PLA2G2C: variants seen among roughly 807,000 people sequenced by gnomAD.
PLA2G2C encodes phospholipase A2 group IIC, also known as putative inactive group IIC secretory phospholipase A2.
A neutral mutation model predicts 14.3 loss-of-function variants in PLA2G2C; 15 were observed. The observed-to-expected ratio is 1.05, with a 90% CI of 0.70 to 1.62. PLA2G2C has a LOEUF of 1.62. Ranked by LOEUF, PLA2G2C falls within the 40% of genes most tolerant of loss-of-function variation. The pLI, the probability that PLA2G2C is intolerant of heterozygous loss-of-function variation, is 0.00. For missense variants in PLA2G2C, 162 were observed against 173.2 expected (o/e 0.94, Z 0.36); for synonymous variants, 79 against 67.7 (o/e 1.17, Z -0.82).
chr1:20,176,835 A>G (rs1014007020), intron 2 of PLA2G2C, among the ~76,000 whole-genome samples: 2 of 152,238 alleles, frequency 1.3e-5, no homozygotes, highest in African/African-American at 4.8e-5. Flanking sequence ...GTTTCCCAGT[A>G]GGTCTTTCTT....
chr1:20,164,157 C>T lies in PLA2G2C; in HGVS notation c.284G>A (p.Cys95Tyr), dbSNP rs1190824511. ...GGCACCAGGACCAAGGGTGCATCCA[C>T]CTACAGAGACACAGAGGGTCACTGG... ...QFHIVNGAVVCGCTLGPGASC... is the reference protein window; with the variant it reads ...QFHIVNGAVVYGCTLGPGASC... Residue 95 changes from cysteine (C) to tyrosine (Y), a missense_variant and splice_region_variant, in exon 5 of 5, where the codon TGT becomes TAT. By Grantham distance (194) the Cys-to-Tyr change is radical (BLOSUM62 -2). Coordinates refer to ENST00000679259, the MANE Select transcript of PLA2G2C (RefSeq NM_001367969.2). The T allele has an allele frequency of 3.1e-6, 5 of 1,611,626 alleles. No homozygotes were observed. The highest frequency in any genetic ancestry group is 4.2e-6 in the Non-Finnish European group (5 of 1,179,244).
At chr1:20,176,319 T>C (rs2018183007) in intron 2 of PLA2G2C, among the ~76,000 whole-genome samples, 1 of 152,148 alleles carries the variant, frequency 6.6e-6, no homozygotes, top group Non-Finnish European at 1.5e-5. Flanking sequence ...CATCTGGATG[T>C]AGGGAAAAAA....
chr1:20,165,995 C>G (rs1283921099), intron 4 of PLA2G2C, among the ~76,000 whole-genome samples: 1 of 152,210 alleles, frequency 6.6e-6, no homozygotes, highest in Non-Finnish European at 1.5e-5. Context: ...GGTGCTAAAA[C>G]CTAGTCATTT....
intron 1 of PLA2G2C, among the ~76,000 whole-genome samples, chr1:20,179,978 C>CTG (rs879754442): frequency 3.3e-4 from 49 of 150,764 alleles, no homozygotes; most frequent in South Asian, 2.1e-3. Flanking sequence ...CAGTTTCTCT[C>CTG]TGTGTGTGTG....
At position 20,163,733 on chromosome 1, in the gene PLA2G2C, G is replaced by C. The variant is rs1318227667; in HGVS notation, c.*258C>G. On this transcript the variant is annotated 3_prime_UTR_variant, in exon 5 of 5. Coordinates refer to ENST00000679259, the MANE Select transcript of PLA2G2C (RefSeq NM_001367969.2). ...TTACTTCTATATCCATGCATTTGTA[G>C]TCCTCCCCACTCCACAGAATGCCAG... The C allele has an allele frequency of 2.1e-6, 1 of 471,788 alleles. No individual in the cohort carries two copies. The highest frequency in any genetic ancestry group is 3.8e-6 in the Non-Finnish European group (1 of 264,580). The allele number at this position is 471,788 out of a possible 1,614,324, so 29.2% of individuals were successfully genotyped here.
chr1:20,177,736 T>C (rs927543322), intron 1 of PLA2G2C, among the ~76,000 whole-genome samples: 1 of 152,152 alleles, frequency 6.6e-6, no homozygotes, highest in African/African-American at 2.4e-5. Context: ...TTTCCTCTGT[T>C]CCCGAGTTGG....
intron 1 of PLA2G2C, among the ~76,000 whole-genome samples, chr1:20,180,859 C>T (rs556344484): frequency 6.6e-6 from 1 of 152,232 alleles, no homozygotes; most frequent in Non-Finnish European, 1.5e-5. Context: ...CTAGACGCCA[C>T]CATCTGGGTC....
chr1:20,178,726 G>C (rs192407474), intron 1 of PLA2G2C, among the ~76,000 whole-genome samples: 234 of 152,340 alleles, frequency 1.5e-3, no homozygotes, highest in Non-Finnish European at 2.3e-3. Context: ...AAAGGGACCT[G>C]GGTGCATTAC....
At chr1:20,183,482 AG>A (rs747693924) in intron 1 of PLA2G2C, among the ~76,000 whole-genome samples, 3 of 152,300 alleles carry the variant, frequency 2.0e-5, no homozygotes, top group Non-Finnish European at 2.9e-5. Context: ...CTCCTTCACC[AG>A]GGGGAACCCT....
At chr1:20,165,903 G>T (rs572835136) in intron 4 of PLA2G2C, among the ~76,000 whole-genome samples, 1 of 152,332 alleles carries the variant, frequency 6.6e-6, no homozygotes, top group South Asian at 2.1e-4. Context: ...CGCTCTCAGG[G>T]TTGGCAGTGA....
intron 1 of PLA2G2C, 90 bp downstream of exon 1, chr1:20,186,270 C>T (rs2018390900): frequency 6.6e-6 from 1 of 152,256 alleles, no homozygotes; most frequent in African/African-American, 2.4e-5. Context: ...CTCCCCAGAC[C>T]CAGCCCGGGG....
chr1:20,171,758 C>CTT (rs10710359), intron 4 of PLA2G2C, among the ~76,000 whole-genome samples: 84 of 121,540 alleles, frequency 6.9e-4, no homozygotes, highest in Non-Finnish European at 7.8e-4. Flanking sequence ...GCCACTTCTT[C>CTT]TTTTTTTTTT....
In PLA2G2C at chr1:20,172,903, A is replaced by C. The variant is rs751364171; in HGVS notation, c.180-6T>G. On this transcript the variant is annotated splice_region_variant and splice_polypyrimidine_tract_variant and intron_variant, in intron 3 of 4. Coordinates refer to ENST00000679259, the MANE Select transcript of PLA2G2C (RefSeq NM_001367969.2). ...AGGGAGATGAGGGGCTGTGCCTGGA[A>C]GTGGGTCCCTCAGGAATCTGCTGGA... 8.7e-6 allele frequency: 14 copies of C among 1,610,726 alleles called. No individual in the cohort carries two copies. In the African/African-American group the frequency reaches 1.9e-4, roughly 22 times the overall value.
chr1:20,179,280 CTGTG>C (rs377415961), intron 1 of PLA2G2C, among the ~76,000 whole-genome samples: 20 of 149,686 alleles, frequency 1.3e-4, no homozygotes, highest in African/African-American at 4.4e-4. Context: ...ATGTCAGTTT[CTGTG>C]TGTGTGTGTG....
intron 4 of PLA2G2C, among the ~76,000 whole-genome samples, chr1:20,166,316 G>A (rs1465505833): frequency 6.6e-6 from 1 of 152,074 alleles, no homozygotes; most frequent in Non-Finnish European, 1.5e-5. Context: ...CTCCCTGCTC[G>A]CCCGCAGGGA....
At chr1:20,184,867 G>T (rs544384301) in intron 1 of PLA2G2C, among the ~76,000 whole-genome samples, 1 of 152,308 alleles carries the variant, frequency 6.6e-6, no homozygotes, top group East Asian at 1.9e-4. Context: ...TGAGAAGAAA[G>T]GAGAGGCTGG....
intron 4 of PLA2G2C, among the ~76,000 whole-genome samples, chr1:20,168,331 C>T (rs1156801118): frequency 2.0e-5 from 3 of 152,246 alleles, no homozygotes; most frequent in Non-Finnish European, 2.9e-5. Context: ...TGGTCTTTGG[C>T]TAGGAGCTGG....
chr1:20,172,243 G>A (rs1260366845), intron 4 of PLA2G2C, among the ~76,000 whole-genome samples: 2 of 152,074 alleles, frequency 1.3e-5, no homozygotes, highest in Non-Finnish European at 2.9e-5. Flanking sequence ...CGCAGAACAC[G>A]CTCCGGATGC....
chr1:20,164,248 G>T, intron 4 of PLA2G2C, 91 bp from the exon 5 acceptor site: 2 of 1,336,966 alleles, frequency 1.5e-6, no homozygotes, highest in Admixed American at 2.5e-5. Context: ...CACTGTAAGG[G>T]GCCAAGGGTT....
Sources: allele counts gnomAD v4.1 joint callset (sites outside exome capture counted in the v4.1 genomes callset), GRCh38; gene constraint gnomAD v4.1.1; transcripts MANE v1.5; gene names NCBI Gene and HGNC (gene_info 2026-07-23, HGNC 2026-07-21).